The following USP6NL variants were observed in gnomAD, a reference collection of about 807,000 sequenced individuals.
The protein encoded by USP6NL is USP6 N-terminal like, also known as USP6 N-terminal-like protein.
USP6NL carries 26 observed loss-of-function variants against 61.9 expected under a neutral mutation model. That is an observed-to-expected ratio of 0.42 (90% CI 0.31 to 0.58). The LOEUF is 0.58. Among genes scored for constraint, USP6NL ranks in the 20% least tolerant of loss-of-function variants. The probability of loss-of-function intolerance (pLI) is 0.16; values close to 1 mark genes in which losing one functional copy is unlikely to be tolerated. For missense variants in USP6NL, 1,114 were observed against 1,034.3 expected, an observed-to-expected ratio of 1.08 and a Z score of -1.06; for synonymous variants, 432 against 390.1, an observed-to-expected ratio of 1.11 and a Z score of -1.27.
Position 11,562,285 on chromosome 10 carries a change from T to A in USP6NL, c.5-34718A>T. On this transcript the variant is annotated intron_variant, in intron 2 of 14. Coordinates refer to ENST00000609104, the MANE Select transcript of USP6NL (RefSeq NM_014688.5). This position sits in a 1 kb window ranked among gnomAD's most constrained non-coding sequence, Gnocchi z 4.8. The stretch of plus-strand genomic sequence containing the variant: ...TCAAAAAAAAAAAAAAAAAATTGCA[T>A]TCCCAGGACCCCCCTGCAGCTAGCA... 1.9e-5 allele frequency: 13 copies of A among 675,736 alleles called. No homozygotes were observed. Among genetic ancestry groups the A allele is most frequent in the Non-Finnish European group, 2.2e-5 (12 of 546,594 alleles). 41.9% of individuals were successfully genotyped at this position (675,736 alleles called of 1,614,324 possible).
chr10:11,462,365 G>A lies in USP6NL; in HGVS notation c.*76C>T, dbSNP rs548513605. 8 of 1,486,954 alleles carry A rather than the reference G, an allele frequency of 5.4e-6. No individual in the cohort carries two copies. Among genetic ancestry groups the A allele is most frequent in the Middle Eastern group, 5.0e-4 (2 of 4,032 alleles). 92.1% of individuals were successfully genotyped at this position (1,486,954 alleles called of 1,614,324 possible). On this transcript the variant is annotated 3_prime_UTR_variant, in exon 15 of 15. Transcript: ENST00000609104. ...AGTTGTTTACAATAGTATAAATACT[G>A]CTTTGGCAATTATGAACATAGCAAT...
At chr10:11,552,431 A>C (rs1013266251) in intron 2 of USP6NL, among the ~76,000 whole-genome samples, 2 of 152,222 alleles carry the variant, frequency 1.3e-5, no homozygotes, top group Non-Finnish European at 2.9e-5. Context: ...TTTAAGCTGA[A>C]TTCCTGTTTT....
At chr10:11,549,826 T>C (rs1465725811) in intron 2 of USP6NL, among the ~76,000 whole-genome samples, 67 of 152,248 alleles carry the variant, frequency 4.4e-4, no homozygotes, top group Non-Finnish European at 5.9e-5. Context: ...CTTTATTAGT[T>C]AGAATTAGCC....
chr10:11,601,304 T>C (rs1838522667), intron 1 of USP6NL, among the ~76,000 whole-genome samples: 1 of 152,144 alleles, frequency 6.6e-6, no homozygotes, highest in African/African-American at 2.4e-5. Context: ...TATGTATAAT[T>C]AACAATACGT....
rs1199405243 is a variant in USP6NL, at chr10:11,596,810, T to C, written c.4+821A>G. Among the ~76,000 whole-genome samples, 2 of 152,168 alleles carry C rather than the reference T, an allele frequency of 1.3e-5. No individual in the cohort carries two copies. The highest frequency in any genetic ancestry group is 2.9e-5 in the Non-Finnish European group (2 of 68,038). On this transcript the variant is annotated intron_variant, in intron 2 of 14. Transcript: ENST00000609104. This position sits in a 1 kb window ranked among gnomAD's most constrained non-coding sequence, Gnocchi z 4.1. Reference sequence around the variant, plus strand: ...ACAACAGCAGCGTCATTTTCACTTATCTACTGCCTAATTATTTGAACTGAT... The same window carrying C: ...ACAACAGCAGCGTCATTTTCACTTACCTACTGCCTAATTATTTGAACTGAT...
Position 11,525,567 on chromosome 10 carries a change from T to C in USP6NL, c.73-99A>G. The stretch of plus-strand genomic sequence containing the variant: ...AGAAATAAGAGCTATTTTTAATGTA[T>C]TACTAAAAATAAGAGCTGGAAGTGA... On this transcript the variant is annotated intron_variant, in intron 3 of 14. Coordinates refer to ENST00000609104, the MANE Select transcript of USP6NL (RefSeq NM_014688.5). The surrounding 1 kb of genome is among the most constrained non-coding windows in gnomAD (Gnocchi z 5.0). 9.5e-7 allele frequency: 1 copy of C among 1,048,868 alleles called. No individual in the cohort carries two copies. The highest frequency in any genetic ancestry group is 2.0e-5 in the South Asian group (1 of 50,722). 65.0% of individuals were successfully genotyped at this position (1,048,868 alleles called of 1,614,324 possible).
chr10:11,543,180 C>T (rs974797403), intron 2 of USP6NL, among the ~76,000 whole-genome samples: 2 of 152,128 alleles, frequency 1.3e-5, no homozygotes, highest in African/African-American at 2.4e-5. Flanking sequence ...GCAAATTTTA[C>T]TCAAAAAGCA....
intron 6 of USP6NL, among the ~76,000 whole-genome samples, chr10:11,503,742 T>C (rs1379796686): frequency 6.6e-6 from 1 of 152,238 alleles, no homozygotes; most frequent in Admixed American, 6.5e-5. Context: ...AAGCTATTTA[T>C]GGATATTTAC....
In USP6NL at chr10:11,592,280, T is replaced by A. The variant is rs1159785058; in HGVS notation, c.4+5351A>T. 6.6e-6 allele frequency among the ~76,000 whole-genome samples: 1 copy of A among 152,198 alleles called. No homozygotes were observed. The highest frequency in any genetic ancestry group is 1.5e-5 in the Non-Finnish European group (1 of 68,042). ...TTAATAACAACGAAGTACACTAAAC[T>A]AAGAAAGTAATCACACAAATTTTCT... On this transcript the variant is annotated intron_variant, in intron 2 of 14. Coordinates refer to ENST00000609104, the MANE Select transcript of USP6NL (RefSeq NM_014688.5). This position sits in a 1 kb window ranked among gnomAD's most constrained non-coding sequence, Gnocchi z 4.7.
At position 11,528,014 on chromosome 10, in the gene USP6NL, T is replaced by C. The variant is rs141556072; in HGVS notation, c.5-447A>G. Among the ~76,000 whole-genome samples the C allele has an allele frequency of 1.5e-3, 228 of 152,260 alleles. No homozygotes were observed. Among genetic ancestry groups the C allele is most frequent in the African/African-American group, 4.9e-3 (203 of 41,548 alleles). The stretch of plus-strand genomic sequence containing the variant: ...ATTTATTTTACATGATACAAATATG[T>C]CTTTGTTTAGCCTTTTAGTTCCCTT... On this transcript the variant is annotated intron_variant, in intron 2 of 14. Transcript: ENST00000609104. This position sits in a 1 kb window ranked among gnomAD's most constrained non-coding sequence, Gnocchi z 4.6.
chr10:11,471,205 A>C (rs974027526), intron 14 of USP6NL, among the ~76,000 whole-genome samples: 6 of 152,286 alleles, frequency 3.9e-5, no homozygotes, highest in East Asian at 3.9e-4. Flanking sequence ...AACAAACAAA[A>C]AAAACACCAC....
intron 1 of USP6NL, among the ~76,000 whole-genome samples, chr10:11,608,670 G>A (rs1186142783): frequency 2.0e-5 from 3 of 152,080 alleles, no homozygotes; most frequent in African/African-American, 7.2e-5. Context: ...TCACATCAAA[G>A]GACTCATCCC....
In USP6NL at chr10:11,532,633, CTTAT is replaced by C. The variant is rs1835704709; in HGVS notation, c.5-5070_5-5067del. 6.6e-6 allele frequency among the ~76,000 whole-genome samples: 1 copy of C among 152,138 alleles called. No homozygotes were observed. Among genetic ancestry groups the C allele is most frequent in the African/African-American group, 2.4e-5 (1 of 41,412 alleles). On this transcript the variant is annotated intron_variant, in intron 2 of 14. Transcript: ENST00000609104. The surrounding 1 kb of genome is among the most constrained non-coding windows in gnomAD (Gnocchi z 4.1). The stretch of plus-strand genomic sequence containing the variant: ...CTTGTGTCTCGATATTAGCCACTTT[CTTAT>C]TTCTTATTAAAAATAAAACTTGTCA...
intron 14 of USP6NL, among the ~76,000 whole-genome samples, chr10:11,475,544 C>A (rs1427028043): frequency 7.1e-6 from 1 of 141,294 alleles, no homozygotes; most frequent in Non-Finnish European, 1.5e-5. Flanking sequence ...TGCAGTGAGC[C>A]GAGATCGTGC....
At position 11,585,445 on chromosome 10, in the gene USP6NL, G is replaced by A. The variant is rs565118493; in HGVS notation, c.4+12186C>T. 4.6e-5 allele frequency among the ~76,000 whole-genome samples: 7 copies of A among 152,140 alleles called. No homozygotes were observed. Among genetic ancestry groups the A allele is most frequent in the Non-Finnish European group, 7.4e-5 (5 of 68,016 alleles). On this transcript the variant is annotated intron_variant, in intron 2 of 14. Transcript: ENST00000609104. This position sits in a 1 kb window ranked among gnomAD's most constrained non-coding sequence, Gnocchi z 4.5. ...CGCAACAGCCAAAAGGTGGAAGCAC[G>A]AGGTCAGGAGATTGAGACCATCCTG...
Position 11,525,616 on chromosome 10 carries a change from T to C in USP6NL, c.73-148A>G. 1 of 679,806 alleles carries C rather than the reference T, an allele frequency of 1.5e-6. No homozygotes were observed. The highest frequency in any genetic ancestry group is 2.3e-6 in the Non-Finnish European group (1 of 443,110). The allele number at this position is 679,806 out of a possible 1,614,324, so 42.1% of individuals were successfully genotyped here. On this transcript the variant is annotated intron_variant, in intron 3 of 14. Coordinates refer to ENST00000609104, the MANE Select transcript of USP6NL (RefSeq NM_014688.5). This position sits in a 1 kb window ranked among gnomAD's most constrained non-coding sequence, Gnocchi z 5.0. The stretch of plus-strand genomic sequence containing the variant: ...GAGGCATTATGAGCCTTAACATTTT[T>C]TTTTCCCCTTTAAACCCAACTATTT...
Position 11,555,431 on chromosome 10 carries a change from A to AT in USP6NL, c.5-27865_5-27864insA, listed in dbSNP as rs1169769717. On this transcript the variant is annotated intron_variant, in intron 2 of 14. Transcript: ENST00000609104. ...ACTCGGTCTTAAAAAAAAAAAAAAA[A>AT]AAATATATATATATATATATAGAGA... Among the ~76,000 whole-genome samples, 710 of 77,744 alleles carry AT rather than the reference A, an allele frequency of 9.1e-3. 3 individuals carry two copies. The highest frequency in any genetic ancestry group is 0.012 in the Non-Finnish European group (533 of 43,888). The allele number at this position is 77,744 out of a possible 152,430, so 51.0% of individuals were successfully genotyped here. A position where few individuals can be genotyped will look rare whatever the true frequency, so the allele number is the denominator to read the frequency against.
intron 2 of USP6NL, among the ~76,000 whole-genome samples, chr10:11,530,999 T>C (rs1288842250): frequency 3.3e-5 from 5 of 152,238 alleles, no homozygotes; most frequent in Non-Finnish European, 1.5e-5. Context: ...TGTGTCTGTG[T>C]GCACATGTGA....
chr10:11,569,441 T>G (rs1837281380), intron 2 of USP6NL, among the ~76,000 whole-genome samples: 1 of 152,208 alleles, frequency 6.6e-6, no homozygotes, highest in Non-Finnish European at 1.5e-5. Flanking sequence ...TTGGTCAATT[T>G]AATAAATATA....
Sources: gnomAD v4.1 joint callset for allele counts (sites outside exome capture counted in the v4.1 genomes callset) on GRCh38, gnomAD v4.1.1 for gene constraint, Gnocchi (gnomAD v3.1) non-coding constraint, MANE v1.5 for transcripts, NCBI Gene and HGNC (gene_info 2026-07-23, HGNC 2026-07-21) for gene names.